ENAH: variants seen among roughly 807,000 people sequenced by gnomAD.
The protein encoded by ENAH is protein enabled homolog.
A neutral mutation model predicts 78.7 loss-of-function variants in ENAH; 23 were observed. That is an observed-to-expected ratio of 0.29 (90% CI 0.21 to 0.41). The LOEUF (loss-of-function observed/expected upper bound fraction) is 0.41. ENAH is among the 10% of genes least tolerant of loss of function. The pLI, the probability that ENAH is intolerant of heterozygous loss-of-function variation, is 1.00. For synonymous variants in ENAH, 226 were observed against 241.0 expected (o/e 0.94, Z 0.58); for missense variants, 544 against 691.0 (o/e 0.79, Z 2.39).
intron 3 of ENAH, among the ~76,000 whole-genome samples, chr1:225,538,636 A>T (rs889360174): frequency 4.6e-5 from 7 of 150,664 alleles, no homozygotes; most frequent in Non-Finnish European, 8.8e-5. Context: ...TATTTCTTGC[A>T]ATCCTCTCCC....
chr1:225,508,011 G>A lies in ENAH; in HGVS notation c.1478C>T (p.Thr493Ile). 1 of 1,546,684 alleles carries A rather than the reference G, an allele frequency of 6.5e-7. No individual in the cohort carries two copies. Among genetic ancestry groups the A allele is most frequent in the Non-Finnish European group, 8.7e-7 (1 of 1,155,084 alleles). ...ATTTGTTCTTTCCCAAGGTTTTCTTGTTGGTTCTTTAAAAATAAAAAACAA... is the reference window on the plus strand; with the variant it reads ...ATTTGTTCTTTCCCAAGGTTTTCTTATTGGTTCTTTAAAAATAAAAAACAA... ...KASSTSTPEP[T>I]RKPWERTNTM... The change falls in exon 11 of 14, where the codon ACA becomes ATA. Residue 493 changes from threonine (T) to isoleucine (I), a missense_variant. Around this residue, in one of 4 missense-constraint regions of ENAH, gnomAD observed 97 missense variants for 124.4 expected, o/e 0.78. Transcript: ENST00000366843.
In ENAH at chr1:225,514,590, A is replaced by ATTTACCCGTGACAC; in HGVS notation, c.1210_1218+5dup. ...TATTAAAAAAATTTTTCAGAAAGGT[A>ATTTACCCGTGACAC]TTTACCCGTGACACTTTCCTAAGTT... On this transcript the variant is annotated splice_donor_region_variant and intron_variant, in intron 7 of 13. Transcript: ENST00000366843. 6.2e-7 allele frequency: 1 copy of ATTTACCCGTGACAC among 1,610,624 alleles called. No homozygotes were observed. Among genetic ancestry groups the ATTTACCCGTGACAC allele is most frequent in the Non-Finnish European group, 8.5e-7 (1 of 1,178,926 alleles).
intron 1 of ENAH, among the ~76,000 whole-genome samples, chr1:225,641,075 G>A (rs1660968396): frequency 6.6e-6 from 1 of 151,422 alleles, no homozygotes; most frequent in African/African-American, 2.4e-5. Flanking sequence ...GTGTTAGCCA[G>A]GATGGTCTCA....
intron 1 of ENAH, among the ~76,000 whole-genome samples, chr1:225,611,039 T>C (rs1242128242): frequency 3.3e-5 from 5 of 152,194 alleles, no homozygotes; most frequent in African/African-American, 4.8e-5. Context: ...GCAAAACTAA[T>C]TGACGCTGTT....
chr1:225,615,501 C>T (rs1056894806), intron 1 of ENAH, among the ~76,000 whole-genome samples: 5 of 152,168 alleles, frequency 3.3e-5, no homozygotes, highest in Non-Finnish European at 7.4e-5. Flanking sequence ...TGCCTGGCCG[C>T]CCATTGTCTG....
chr1:225,543,916 A>G (rs984544323), intron 3 of ENAH, among the ~76,000 whole-genome samples: 1 of 152,220 alleles, frequency 6.6e-6, no homozygotes, highest in African/African-American at 2.4e-5. Context: ...TGAAAACAGG[A>G]ATGCCCAATG....
Position 225,514,866 on chromosome 1 carries a change from A to T in ENAH, c.948T>A (p.Pro316=). The change falls in exon 7 of 14, where the codon CCT becomes CCA. Residue 316 remains proline, a synonymous_variant. Coordinates refer to ENST00000366843, the MANE Select transcript of ENAH (RefSeq NM_018212.6). ...GTGCAGGCCCTGGTGGGAGTGGTGG[A>T]GGAGGTGGAGGTGCAAGTGGTCCCA... ...IVLGPLAPPP[P]PPLPPGPAQA... 6.2e-7 allele frequency: 1 copy of T among 1,606,428 alleles called. No homozygotes were observed. The highest frequency in any genetic ancestry group is 8.5e-7 in the Non-Finnish European group (1 of 1,177,978).
At chr1:225,631,336 G>T (rs1658990688) in intron 1 of ENAH, among the ~76,000 whole-genome samples, 1 of 151,944 alleles carries the variant, frequency 6.6e-6, no homozygotes, top group Non-Finnish European at 1.5e-5. Context: ...AGCACTTTGG[G>T]AGGCGCATGG....
intron 1 of ENAH, among the ~76,000 whole-genome samples, chr1:225,618,676 C>G (rs548629647): frequency 4.6e-5 from 7 of 152,262 alleles, no homozygotes; most frequent in African/African-American, 7.2e-5. Context: ...AGTGATCACT[C>G]TACAAAAACT....
At chr1:225,626,436 T>C (rs1490104357) in intron 1 of ENAH, among the ~76,000 whole-genome samples, 1 of 152,176 alleles carries the variant, frequency 6.6e-6, no homozygotes, top group Non-Finnish European at 1.5e-5. Flanking sequence ...GGTGAATAGG[T>C]CACAAGGCCT....
chr1:225,593,492 TA>T (rs1016021534), intron 1 of ENAH, among the ~76,000 whole-genome samples: 9 of 141,512 alleles, frequency 6.4e-5, no homozygotes, highest in African/African-American at 2.4e-4. Context: ...AATGTTAAGG[TA>T]AATACCAAAA....
At chr1:225,536,167 A>AAT (rs1027296221) in intron 3 of ENAH, among the ~76,000 whole-genome samples, 13 of 152,044 alleles carry the variant, frequency 8.6e-5, no homozygotes, top group East Asian at 1.9e-4. Context: ...TTTTTTTCTC[A>AAT]ATATATATAT....
intron 2 of ENAH, among the ~76,000 whole-genome samples, chr1:225,561,656 A>AAAATAAAATAAAATAAAATAAAATT (rs2096706721): frequency 6.6e-6 from 1 of 151,804 alleles, no homozygotes; most frequent in Non-Finnish European, 1.5e-5. Flanking sequence ...AAAATAAAAT[A>AAAATAAAATAAAATAAAATAAAATT]AAATTAGTAT....
chr1:225,506,606 T>C (rs1481816941), intron 11 of ENAH, among the ~76,000 whole-genome samples: 1 of 152,210 alleles, frequency 6.6e-6, no homozygotes, highest in Non-Finnish European at 1.5e-5. Flanking sequence ...AACATAAATG[T>C]GCAATTTTTC....
chr1:225,625,115 A>T (rs1267643732), intron 1 of ENAH, among the ~76,000 whole-genome samples: 1 of 152,240 alleles, frequency 6.6e-6, no homozygotes, highest in Non-Finnish European at 1.5e-5. Context: ...GATAGACTTA[A>T]TTTCAAAATG....
At chr1:225,517,145 A>G (rs531037624) in intron 6 of ENAH, 51 bp downstream of exon 6, 4 of 1,428,602 alleles carry the variant, frequency 2.8e-6, no homozygotes, top group East Asian at 2.5e-5. Context: ...AGTCACTGCT[A>G]TATAACATTT....
chr1:225,511,959 T>G (rs2096380354), intron 9 of ENAH, 100 bp from the exon 10 acceptor site: 1 of 668,634 alleles, frequency 1.5e-6, no homozygotes, highest in South Asian at 2.5e-5. Flanking sequence ...TTTCTGCCAC[T>G]CCCCACTTTC....
In ENAH at chr1:225,492,283, T is replaced by G. The variant is rs2096225883; in HGVS notation, c.*5492A>C. The G allele has an allele frequency of 6.6e-6, 1 of 152,028 alleles. No individual in the cohort carries two copies. Among genetic ancestry groups the G allele is most frequent in the South Asian group, 2.1e-4 (1 of 4,826 alleles). The allele number at this position is 152,028 out of a possible 1,614,324, so 9.4% of individuals were successfully genotyped here. A position where few individuals can be genotyped will look rare whatever the true frequency, so the allele number is the denominator to read the frequency against. ...TTAAATTTTTTTGTAGAAATGAGTCTCCCTGTTACCCAGGCTGATCTCAAA... is the reference window on the plus strand; with the variant it reads ...TTAAATTTTTTTGTAGAAATGAGTCGCCCTGTTACCCAGGCTGATCTCAAA... On this transcript the variant is annotated 3_prime_UTR_variant, in exon 14 of 14. Coordinates refer to ENST00000366843, the MANE Select transcript of ENAH (RefSeq NM_018212.6).
rs907949515 is a variant in ENAH, at chr1:225,525,537, G to C, written c.434+5017C>G. On this transcript the variant is annotated intron_variant, in intron 4 of 13. Transcript: ENST00000366843. The stretch of plus-strand genomic sequence containing the variant: ...TGCTTTCCCTCAGAAACTACCCGTC[G>C]GGAGCCTTCAGCCCTCCCAGCGCCC... Among the ~76,000 whole-genome samples, 4 of 151,946 alleles carry C rather than the reference G, an allele frequency of 2.6e-5. No homozygotes were observed. In the East Asian group the frequency reaches 7.7e-4, roughly 29 times the overall value.
Sources: gnomAD v4.1 joint callset for allele counts (sites outside exome capture counted in the v4.1 genomes callset) on GRCh38, gnomAD v4.1.1 for gene constraint, gnomAD v4.1.1 regional missense constraint, MANE v1.5 for transcripts, NCBI Gene and HGNC (gene_info 2026-07-23, HGNC 2026-07-21) for gene names.